DCC: variants seen among roughly 807,000 people sequenced by gnomAD.
DCC encodes DCC netrin 1 receptor.
DCC carries 58 observed loss-of-function variants against 172.5 expected under a neutral mutation model. The ratio of observed to expected loss-of-function variants is 0.34; its 90% CI spans 0.27 to 0.42. DCC has a LOEUF of 0.42. Among genes scored for constraint, DCC ranks in the 10% least tolerant of loss-of-function variants. DCC has a pLI of 1.00. For missense variants in DCC, 1,740 were observed against 1,791.0 expected (o/e 0.97, Z 0.51); for synonymous variants, 709 against 644.5 (o/e 1.10, Z -1.52).
chr18:52,933,044 T>C (rs2040331313), intron 5 of DCC, among the ~76,000 whole-genome samples: 1 of 152,176 alleles, frequency 6.6e-6, no homozygotes, highest in East Asian at 1.9e-4. Context: ...TGTTAAACAT[T>C]ATTGTTTTGT....
At chr18:52,754,898 C>T (rs1163498463) in intron 2 of DCC, among the ~76,000 whole-genome samples, 1 of 152,264 alleles carries the variant, frequency 6.6e-6, no homozygotes, top group Admixed American at 6.5e-5. Flanking sequence ...TGCAGAAAAC[C>T]CCCTCTACTC....
At chr18:53,297,675 T>A (rs1242549724) in intron 12 of DCC, among the ~76,000 whole-genome samples, 1 of 152,184 alleles carries the variant, frequency 6.6e-6, no homozygotes, top group Non-Finnish European at 1.5e-5. Flanking sequence ...GGAAATGAAG[T>A]CTGAACTACT....
intron 2 of DCC, among the ~76,000 whole-genome samples, chr18:52,804,082 A>G (rs2038043264): frequency 6.6e-6 from 1 of 152,116 alleles, no homozygotes; most frequent in Non-Finnish European, 1.5e-5. Context: ...TGGCCCCTGT[A>G]CAATGTGTGT....
intron 25 of DCC, among the ~76,000 whole-genome samples, chr18:53,468,436 G>T (rs1277141275): frequency 6.7e-6 from 1 of 148,392 alleles, no homozygotes; most frequent in Non-Finnish European, 1.5e-5. Context: ...AGGTTGGAGT[G>T]CAGTGGCACA....
chr18:53,076,612 G>A (rs1397505423), intron 7 of DCC, among the ~76,000 whole-genome samples: 2 of 150,756 alleles, frequency 1.3e-5, no homozygotes, highest in Non-Finnish European at 2.9e-5. Context: ...TATAATGAGG[G>A]ATTCCATGTT....
At chr18:52,501,641 G>A (rs747647053) in intron 1 of DCC, among the ~76,000 whole-genome samples, 6 of 152,102 alleles carry the variant, frequency 3.9e-5, no homozygotes, top group Non-Finnish European at 5.9e-5. Flanking sequence ...GTGGCATGTT[G>A]GAGAACGCTA....
intron 12 of DCC, among the ~76,000 whole-genome samples, chr18:53,248,119 C>T (rs1312015964): frequency 5.3e-5 from 8 of 151,970 alleles, no homozygotes; most frequent in Admixed American, 3.9e-4. Flanking sequence ...TCCATAAATA[C>T]AGAATAAATA....
intron 2 of DCC, among the ~76,000 whole-genome samples, chr18:52,817,266 T>C (rs2038317490): frequency 1.3e-5 from 2 of 152,236 alleles, no homozygotes; most frequent in South Asian, 4.1e-4. Flanking sequence ...TGATTTGTTT[T>C]CTATGAATAT....
chr18:52,851,107 T>G (rs1440422025), intron 2 of DCC, among the ~76,000 whole-genome samples: 3 of 152,108 alleles, frequency 2.0e-5, no homozygotes, highest in Non-Finnish European at 4.4e-5. Flanking sequence ...TCTTACGATG[T>G]ATACTTGTCT....
intron 14 of DCC, among the ~76,000 whole-genome samples, chr18:53,329,249 T>G (rs1281480238): frequency 6.6e-6 from 1 of 152,092 alleles, no homozygotes; most frequent in Non-Finnish European, 1.5e-5. Flanking sequence ...GCTTAAAAAC[T>G]TCCTACAATT....
chr18:53,337,111 T>C (rs1390671121), intron 14 of DCC, among the ~76,000 whole-genome samples: 3 of 152,246 alleles, frequency 2.0e-5, no homozygotes, highest in Non-Finnish European at 4.4e-5. Context: ...AGTTACTAAC[T>C]TAACCAATTT....
intron 7 of DCC, among the ~76,000 whole-genome samples, chr18:53,110,172 T>C (rs1341683581): frequency 6.6e-6 from 1 of 151,660 alleles, no homozygotes; most frequent in East Asian, 1.9e-4. Context: ...TTTAAATGAT[T>C]AAAAAGTAAT....
chr18:52,690,715 G>C (rs1473155178), intron 1 of DCC, among the ~76,000 whole-genome samples: 1 of 152,036 alleles, frequency 6.6e-6, no homozygotes, highest in Non-Finnish European at 1.5e-5. Flanking sequence ...CTGCTTTATG[G>C]AAACAAATAC....
At chr18:53,357,770 A>G (rs530148737) in intron 15 of DCC, among the ~76,000 whole-genome samples, 1 of 152,302 alleles carries the variant, frequency 6.6e-6, no homozygotes, top group Non-Finnish European at 1.5e-5. Context: ...TCTTACTGAG[A>G]GCATTTATGT....
chr18:53,121,029 A>G (rs2043476152), intron 7 of DCC, among the ~76,000 whole-genome samples: 2 of 151,902 alleles, frequency 1.3e-5, no homozygotes, highest in Admixed American at 1.3e-4. Context: ...AGGAAACAAA[A>G]TATGAATTGC....
intron 15 of DCC, among the ~76,000 whole-genome samples, chr18:53,364,570 C>T (rs941455631): frequency 6.6e-6 from 1 of 151,872 alleles, no homozygotes. Flanking sequence ...CAACCTTCAT[C>T]GACCATTAAG....
chr18:53,424,196 G>T (rs1452411889), intron 21 of DCC, among the ~76,000 whole-genome samples: 1 of 152,144 alleles, frequency 6.6e-6, no homozygotes, highest in Non-Finnish European at 1.5e-5. Context: ...AAAATTTATA[G>T]ATTTGAATTT....
chr18:53,429,478 T>C (rs11664655), intron 21 of DCC, among the ~76,000 whole-genome samples: 65,536 of 151,666 alleles, frequency 0.43, 15,952 homozygotes, highest in Non-Finnish European at 0.56. Context: ...TATCTTAGTT[T>C]TGAATTTGAT....
intron 7 of DCC, among the ~76,000 whole-genome samples, chr18:53,100,176 G>A (rs994691546): frequency 6.6e-6 from 1 of 151,788 alleles, no homozygotes; most frequent in African/African-American, 2.4e-5. Context: ...TGCAACTCCT[G>A]ACCTCAAGTG....
Sources: allele counts gnomAD v4.1 joint callset (sites outside exome capture counted in the v4.1 genomes callset), GRCh38; gene constraint gnomAD v4.1.1; transcripts MANE v1.5; gene names NCBI Gene and HGNC (gene_info 2026-07-23, HGNC 2026-07-21).